Variants in DIPK1A observed in about 807,000 individuals in gnomAD.
DIPK1A encodes divergent protein kinase domain 1A.
In DIPK1A, 27 loss-of-function variants were observed where a neutral mutation model predicts 40.8. The ratio of observed to expected loss-of-function variants is 0.66; its 90% CI spans 0.49 to 0.91. The LOEUF is 0.91. Among genes scored for constraint, DIPK1A ranks in the 40% least tolerant of loss-of-function variants. The probability of loss-of-function intolerance (pLI) is 0.00; values close to 1 mark genes in which losing one functional copy is unlikely to be tolerated. For synonymous variants in DIPK1A, 166 were observed against 171.3 expected (o/e 0.97, Z 0.24); for missense variants, 412 against 505.7 (o/e 0.81, Z 1.78).
rs559621122 is a variant in DIPK1A, at chr1:92,892,877, C to T, written c.55-16447G>A. Among the ~76,000 whole-genome samples, 490 of 152,062 alleles carry T rather than the reference C, an allele frequency of 3.2e-3. 8 individuals are homozygous for T. The highest frequency in any genetic ancestry group is 0.011 in the African/African-American group (445 of 41,402). On this transcript the variant is annotated intron_variant, in intron 1 of 4. Transcript: ENST00000370310. Reference sequence around the variant, plus strand: ...AATGCACAAGTCTCAGTAGCCGATTCGATCAACTGGAAGAAAGGGTATCAG... The same window carrying T: ...AATGCACAAGTCTCAGTAGCCGATTTGATCAACTGGAAGAAAGGGTATCAG...
intron 2 of DIPK1A, among the ~76,000 whole-genome samples, chr1:92,875,381 A>G (rs1648070961): frequency 6.6e-6 from 1 of 152,200 alleles, no homozygotes; most frequent in Admixed American, 6.5e-5. Flanking sequence ...CTATTCAAAT[A>G]TAATTCTGAG....
At chr1:92,835,557 G>A (rs1687086405) in intron 4 of DIPK1A, among the ~76,000 whole-genome samples, 1 of 151,676 alleles carries the variant, frequency 6.6e-6, no homozygotes, top group Non-Finnish European at 1.5e-5. Context: ...CTACTTGGGA[G>A]GCTGAGGCAG....
chr1:92,942,846 G>T lies in DIPK1A; in HGVS notation c.54+18530C>A, dbSNP rs187808866. On this transcript the variant is annotated intron_variant, in intron 1 of 4. Transcript: ENST00000370310. The stretch of plus-strand genomic sequence containing the variant: ...GCCCAGCTAATTTTTTGTATTTTTA[G>T]TAGAGACGGGGTTTCACCATGTTGG... Among the ~76,000 whole-genome samples, 9 of 152,046 alleles carry T rather than the reference G, an allele frequency of 5.9e-5. No individual in the cohort carries two copies. In the East Asian group the frequency reaches 1.5e-3, roughly 26 times the overall value.
At chr1:92,874,259 G>A (rs1346371408) in intron 2 of DIPK1A, among the ~76,000 whole-genome samples, 3 of 152,176 alleles carry the variant, frequency 2.0e-5, no homozygotes, top group Non-Finnish European at 4.4e-5. Flanking sequence ...TACATTTGAA[G>A]GATACTGTAA....
chr1:92,943,819 C>T (rs1651263761), intron 1 of DIPK1A, among the ~76,000 whole-genome samples: 1 of 152,128 alleles, frequency 6.6e-6, no homozygotes, highest in Non-Finnish European at 1.5e-5. Flanking sequence ...AAAGCCACAC[C>T]AGTTACCTAG....
At chr1:92,840,761 A>T (rs753909944), downstream of DIPK1A, 14 of 785,356 alleles carry the variant, frequency 1.8e-5, no homozygotes, top group Non-Finnish European at 3.2e-5. Flanking sequence ...GGCAGAAGCG[A>T]AGGGAACCAG....
intron 1 of DIPK1A, chr1:92,930,750 C>G (rs539629414): frequency 3.5e-4 from 53 of 152,318 alleles, no homozygotes; most frequent in African/African-American, 1.2e-3. Flanking sequence ...AGAATATTAT[C>G]TCAAGGTGCC....
At chr1:92,938,468 T>TAAA (rs71094215) in intron 1 of DIPK1A, among the ~76,000 whole-genome samples, 9 of 98,550 alleles carry the variant, frequency 9.1e-5, no homozygotes, top group South Asian at 3.7e-4. Flanking sequence ...AGACCTTTAC[T>TAAA]AAAAAAAAAA....
chr1:92,926,567 A>T lies in DIPK1A; in HGVS notation c.54+34809T>A, dbSNP rs1172926073. On this transcript the variant is annotated intron_variant, in intron 1 of 4. Transcript: ENST00000370310. ...ATTAAGATCTTCTATATCTGTACAG[A>T]CTTTTGGCTTAGTTGTTCTACTAAT... Among the ~76,000 whole-genome samples the T allele has an allele frequency of 2.0e-5, 3 of 152,258 alleles. No homozygotes were observed. In the East Asian group the frequency reaches 5.8e-4, roughly 29 times the overall value.
chr1:92,950,068 G>C (rs149853085), intron 1 of DIPK1A, among the ~76,000 whole-genome samples: 3 of 152,132 alleles, frequency 2.0e-5, no homozygotes, highest in Non-Finnish European at 4.4e-5. Flanking sequence ...TCATGCACTC[G>C]CAGTTTGGGT....
chr1:92,836,663 T>G, intron 4 of DIPK1A: 1 of 426,222 alleles, frequency 2.3e-6, no homozygotes, highest in Non-Finnish European at 4.3e-6. Flanking sequence ...TGCATATGAC[T>G]TAATTCTTAT....
chr1:92,884,491 G>A (rs1353509889), intron 1 of DIPK1A, among the ~76,000 whole-genome samples: 1 of 151,686 alleles, frequency 6.6e-6, no homozygotes, highest in African/African-American at 2.4e-5. Flanking sequence ...CTTGAGATAT[G>A]GATATAATAG....
At chr1:92,912,064 C>G (rs977448603) in intron 1 of DIPK1A, among the ~76,000 whole-genome samples, 4 of 126,022 alleles carry the variant, frequency 3.2e-5, no homozygotes, top group Admixed American at 2.3e-4. Flanking sequence ...AACTGCCAAA[C>G]TATTTTGCAG....
intron 4 of DIPK1A, chr1:92,835,299 A>G (rs1191283906): frequency 9.2e-6 from 3 of 327,486 alleles, no homozygotes; most frequent in Non-Finnish European, 1.2e-5. Flanking sequence ...ACTCCACTCT[A>G]GACCTTCTGG....
At chr1:92,944,311 A>G (rs1019045795) in intron 1 of DIPK1A, among the ~76,000 whole-genome samples, 17 of 152,198 alleles carry the variant, frequency 1.1e-4, no homozygotes, top group African/African-American at 3.6e-4. Flanking sequence ...TCAACAAATA[A>G]TATAATTTCC....
intron 1 of DIPK1A, among the ~76,000 whole-genome samples, chr1:92,923,091 C>T (rs1650333679): frequency 6.6e-6 from 1 of 152,114 alleles, no homozygotes; most frequent in South Asian, 2.1e-4. Context: ...GCTTATTGTT[C>T]CCTTTTCATC....
rs1491560604 is a variant in DIPK1A, at chr1:92,959,902, ACT to A, written c.54+1472_54+1473del. Among the ~76,000 whole-genome samples, 164 of 43,080 alleles carry A rather than the reference ACT, an allele frequency of 3.8e-3. 10 individuals are homozygous for A. The highest frequency in any genetic ancestry group is 0.026 in the Middle Eastern group (2 of 78). 28.3% of individuals were successfully genotyped at this position (43,080 alleles called of 152,430 possible). On this transcript the variant is annotated intron_variant, in intron 1 of 4. Transcript: ENST00000370310. ...AGCTGGGACCACAGGCACCCAACCA[ACT>A]TTTTTTTTTTTTTTTTTTTTTTTGT...
intron 1 of DIPK1A, among the ~76,000 whole-genome samples, chr1:92,897,426 T>C (rs1649220179): frequency 6.6e-6 from 1 of 151,828 alleles, no homozygotes. Flanking sequence ...AAACACCGCA[T>C]GTTCACACTC....
chr1:92,919,908 T>C (rs1476873222), intron 1 of DIPK1A, among the ~76,000 whole-genome samples: 2 of 152,222 alleles, frequency 1.3e-5, no homozygotes, highest in African/African-American at 4.8e-5. Flanking sequence ...AGATAATTCT[T>C]ATCAAATGGA....
Sources: gnomAD v4.1 joint callset for allele counts (sites outside exome capture counted in the v4.1 genomes callset) on GRCh38, gnomAD v4.1.1 for gene constraint, MANE v1.5 for transcripts, NCBI Gene and HGNC (gene_info 2026-07-23, HGNC 2026-07-21) for gene names.